The following GTF2F2 variants were observed in gnomAD, a reference collection of about 807,000 sequenced individuals.
The protein encoded by GTF2F2 is general transcription factor IIF subunit 2, also known as ATP-dependent helicase GTF2F2.
Under a neutral mutation model 42.2 loss-of-function variants are expected in GTF2F2, and 23 were observed. The ratio of observed to expected loss-of-function variants is 0.55; its 90% CI spans 0.39 to 0.77. The LOEUF is 0.77. Ranked by LOEUF, GTF2F2 falls within the 30% of genes least tolerant of loss-of-function variation. The probability of loss-of-function intolerance (pLI) is 0.00; values close to 1 mark genes in which losing one functional copy is unlikely to be tolerated. For missense variants in GTF2F2, 261 were observed against 287.2 expected, an observed-to-expected ratio of 0.91 and a Z score of 0.66; for synonymous variants, 105 against 100.8, an observed-to-expected ratio of 1.04 and a Z score of -0.25.
intron 6 of GTF2F2, chr13:45,263,586 G>A (rs1876438179): frequency 6.6e-6 from 1 of 152,106 alleles, no homozygotes. Flanking sequence ...AGGATACCTT[G>A]AAACTATGCT....
At chr13:45,207,366 A>T in intron 4 of GTF2F2, 58 bp from the exon 5 acceptor site, 1 of 1,019,116 alleles carries the variant, frequency 9.8e-7, no homozygotes, top group South Asian at 1.3e-5. Context: ...AGTGTGTCAA[A>T]ATACAGTCTT....
intron 5 of GTF2F2, among the ~76,000 whole-genome samples, chr13:45,249,942 C>G (rs1875806514): frequency 6.6e-6 from 1 of 151,934 alleles, no homozygotes. Flanking sequence ...TGTAAACATT[C>G]CTATATCTGT....
intron 5 of GTF2F2, among the ~76,000 whole-genome samples, chr13:45,236,820 A>G (rs1272601890): frequency 6.6e-6 from 1 of 152,216 alleles, no homozygotes; most frequent in African/African-American, 2.4e-5. Context: ...ATTTGCACCA[A>G]CTATGCAGTT....
chr13:45,279,092 G>A (rs1045434818), intron 7 of GTF2F2, among the ~76,000 whole-genome samples: 4 of 151,992 alleles, frequency 2.6e-5, no homozygotes, highest in Admixed American at 2.6e-4. Flanking sequence ...CAAAGTGCTG[G>A]GATTACAGGC....
In GTF2F2 at chr13:45,153,684, A is replaced by G. The variant is rs529959414; in HGVS notation, c.304+1853A>G. 1.4e-3 allele frequency among the ~76,000 whole-genome samples: 207 copies of G among 152,166 alleles called. 2 individuals are homozygous for G. The highest frequency in any genetic ancestry group is 2.0e-3 in the Non-Finnish European group (133 of 68,006). On this transcript the variant is annotated intron_variant, in intron 4 of 7. Coordinates refer to ENST00000340473, the MANE Select transcript of GTF2F2 (RefSeq NM_004128.3). ...GCACATTTGAATTCAGTATGTTAAG[A>G]GTTTTAGGTTTGGCCGGGCATGGTG...
intron 2 of GTF2F2, among the ~76,000 whole-genome samples, chr13:45,146,937 A>G (rs1870223323): frequency 6.6e-6 from 1 of 152,252 alleles, no homozygotes; most frequent in African/African-American, 2.4e-5. Flanking sequence ...TACTTCATAC[A>G]TTCACACACC....
chr13:45,179,643 A>G (rs1306443966), intron 4 of GTF2F2, among the ~76,000 whole-genome samples: 1 of 152,282 alleles, frequency 6.6e-6, no homozygotes, highest in South Asian at 2.1e-4. Flanking sequence ...TGTCTAAACA[A>G]AGAGTCTCAT....
intron 5 of GTF2F2, among the ~76,000 whole-genome samples, chr13:45,251,600 C>A (rs1249204612): frequency 1.3e-5 from 2 of 151,852 alleles, no homozygotes; most frequent in African/African-American, 4.8e-5. Flanking sequence ...AAAAAAACTG[C>A]CTTTTTTTTT....
chr13:45,127,000 GAT>G, intron 1 of GTF2F2, among the ~76,000 whole-genome samples: 1 of 152,272 alleles, frequency 6.6e-6, no homozygotes, highest in South Asian at 2.1e-4. Flanking sequence ...CATCGTAAGT[GAT>G]ATGTTGACAG....
At position 45,184,492 on chromosome 13, in the gene GTF2F2, A is replaced by G. The variant is rs1325484013; in HGVS notation, c.305-22932A>G. Among the ~76,000 whole-genome samples the G allele has an allele frequency of 4.0e-5, 6 of 150,914 alleles. No individual in the cohort carries two copies. The South Asian group carries it at 1.0e-3, about 26-fold the overall frequency. ...CAGCCTCGAACTCTTGGGCTCAAGCAATCTTCCCACTTCGACCTCCCCAAG... is the reference window on the plus strand; with the variant it reads ...CAGCCTCGAACTCTTGGGCTCAAGCGATCTTCCCACTTCGACCTCCCCAAG... On this transcript the variant is annotated intron_variant, in intron 4 of 7. Transcript: ENST00000340473.
intron 4 of GTF2F2, chr13:45,193,515 CAAAT>C (rs574459832): frequency 1.2e-4 from 39 of 331,200 alleles, no homozygotes; most frequent in Non-Finnish European, 2.0e-4. Flanking sequence ...AGCTTAAGGA[CAAAT>C]AAATAGCAAA....
chr13:45,228,458 G>A (rs781124446), intron 5 of GTF2F2, among the ~76,000 whole-genome samples: 18 of 148,136 alleles, frequency 1.2e-4, no homozygotes, highest in Admixed American at 4.7e-4. Flanking sequence ...TTCATTTCTC[G>A]AGCAGTACCT....
chr13:45,212,534 C>G (rs1285887416), intron 5 of GTF2F2, among the ~76,000 whole-genome samples: 1 of 98,294 alleles, frequency 1.0e-5, no homozygotes, highest in African/African-American at 4.2e-5. Flanking sequence ...TTCTCTCTTT[C>G]TCACTTTCTC....
At chr13:45,271,270 G>T (rs1179317975) in intron 7 of GTF2F2, among the ~76,000 whole-genome samples, 1 of 149,320 alleles carries the variant, frequency 6.7e-6, no homozygotes, top group Non-Finnish European at 1.5e-5. Context: ...CAGCCTGAGC[G>T]ACAGAAAAAA....
chr13:45,132,988 G>A (rs538510522), intron 1 of GTF2F2, among the ~76,000 whole-genome samples: 2 of 152,146 alleles, frequency 1.3e-5, no homozygotes, highest in Non-Finnish European at 2.9e-5. Context: ...TAGCGTGATC[G>A]AGAGCTTTCC....
intron 4 of GTF2F2, among the ~76,000 whole-genome samples, chr13:45,202,427 A>G (rs549624004): frequency 6.7e-6 from 1 of 148,560 alleles, no homozygotes; most frequent in South Asian, 2.1e-4. Flanking sequence ...ATCTCTAGCT[A>G]GACATCTGAG....
At chr13:45,146,461 T>C (rs1279343007) in intron 2 of GTF2F2, among the ~76,000 whole-genome samples, 1 of 152,096 alleles carries the variant, frequency 6.6e-6, no homozygotes, top group East Asian at 1.9e-4. Context: ...ATCATGCCAC[T>C]GCACTCTAGC....
intron 5 of GTF2F2, among the ~76,000 whole-genome samples, chr13:45,215,719 C>T (rs1008542739): frequency 2.0e-5 from 3 of 150,474 alleles, no homozygotes; most frequent in African/African-American, 7.3e-5. Flanking sequence ...CATCGCACCA[C>T]TGCACTCCAA....
rs79230396 is a variant in GTF2F2, at chr13:45,208,978, A to G, written c.386+1473A>G. Among the ~76,000 whole-genome samples, 801 of 152,318 alleles carry G rather than the reference A, an allele frequency of 5.3e-3. 5 individuals carry two copies. The highest frequency in any genetic ancestry group is 0.019 in the African/African-American group (773 of 41,558). On this transcript the variant is annotated intron_variant, in intron 5 of 7. Transcript: ENST00000340473. ...ATAACTACTGAAATTGAAAAAATGC[A>G]AAATCTGGTTACCAAGCTGCTTACC...
Sources: allele counts gnomAD v4.1 joint callset (sites outside exome capture counted in the v4.1 genomes callset), GRCh38; gene constraint gnomAD v4.1.1; transcripts MANE v1.5; gene names NCBI Gene and HGNC (gene_info 2026-07-23, HGNC 2026-07-21).